The following ATG7 variants were observed in gnomAD, a reference collection of about 807,000 sequenced individuals.
The protein encoded by ATG7 is autophagy related 7, also known as ubiquitin-like modifier-activating enzyme ATG7.
Under a neutral mutation model 82.4 loss-of-function variants are expected in ATG7, and 70 were observed. The observed-to-expected ratio is 0.85, with a 90% CI of 0.70 to 1.04. The LOEUF is 1.04. ATG7 is among the 50% of genes least tolerant of loss of function. The pLI is 0.00. For missense variants in ATG7, 792 were observed against 864.3 expected (o/e 0.92, Z 1.05); for synonymous variants, 287 against 313.0 (o/e 0.92, Z 0.88).
At chr3:11,488,645 C>T (rs185427128) in intron 20 of ATG7, among the ~76,000 whole-genome samples, 1,740 of 152,192 alleles carry the variant, frequency 0.011, 31 homozygotes, top group African/African-American at 0.039. Flanking sequence ...CCTCCGGCGC[C>T]GTGACCTCCT....
At chr3:11,289,775 G>A (rs558703442) in intron 3 of ATG7, among the ~76,000 whole-genome samples, 8 of 152,138 alleles carry the variant, frequency 5.3e-5, no homozygotes, top group Middle Eastern at 3.4e-3. Context: ...GCCCAGGCTC[G>A]TCTCAAACTC....
rs544082280 is a variant in ATG7, at chr3:11,373,459, G to A, written c.1876-6513G>A. ...AGTAACAAAGCATCCTGTTTCCCTT[G>A]CTTGCCTGATGGGAACCACCTGGAG... On this transcript the variant is annotated intron_variant, in intron 18 of 20. Transcript: ENST00000693202. Among the ~76,000 whole-genome samples, 3 of 152,300 alleles carry A rather than the reference G, an allele frequency of 2.0e-5. No individual in the cohort carries two copies. In the South Asian group the frequency reaches 6.2e-4, roughly 32 times the overall value.
chr3:11,542,095 C>A (rs1226319762), intron 20 of ATG7, among the ~76,000 whole-genome samples: 1 of 152,218 alleles, frequency 6.6e-6, no homozygotes, highest in Non-Finnish European at 1.5e-5. Context: ...GGACAGCATA[C>A]CCCGTTGCTA....
intron 5 of ATG7, 61 bp downstream of exon 5, chr3:11,299,477 A>T: frequency 6.6e-7 from 1 of 1,504,030 alleles, no homozygotes; most frequent in Non-Finnish European, 9.2e-7. Flanking sequence ...AGGAATAAGC[A>T]TGCTTGCCTC....
chr3:11,447,208 G>C (rs539807562), intron 20 of ATG7, among the ~76,000 whole-genome samples: 1 of 152,230 alleles, frequency 6.6e-6, no homozygotes, highest in African/African-American at 2.4e-5. Flanking sequence ...GCTTACGCCT[G>C]TAATCCCAGC....
At chr3:11,395,669 A>G (rs751429898) in intron 19 of ATG7, among the ~76,000 whole-genome samples, 2 of 152,194 alleles carry the variant, frequency 1.3e-5, no homozygotes, top group Non-Finnish European at 1.5e-5. Context: ...GGCTGGGTGC[A>G]GTGGCTCACG....
At position 11,348,013 on chromosome 3, in the gene ATG7, T is replaced by C; in HGVS notation, c.1262T>C (p.Leu421Pro). The change falls in exon 14 of 21, where the codon CTC becomes CCC. Residue 421 changes from leucine to proline, a missense_variant. By Grantham distance (98) the Leu-to-Pro change is moderately conservative. Transcript: ENST00000693202. The stretch of plus-strand genomic sequence containing the variant: ...AAGGCTCTGGCAGCAGCGGACCGGC[T>C]CCAGAAAATATTCCCCGGTGTGGTA... ...KPKALAAADR[L>P]QKIFPGVNAR... is the part of the protein sequence containing the mutation. 1 of 1,613,906 alleles carries C rather than the reference T, an allele frequency of 6.2e-7. No individual in the cohort carries two copies. Among genetic ancestry groups the C allele is most frequent in the Non-Finnish European group, 8.5e-7 (1 of 1,179,836 alleles).
intron 20 of ATG7, among the ~76,000 whole-genome samples, chr3:11,465,929 T>C (rs1213998752): frequency 2.0e-5 from 3 of 152,342 alleles, no homozygotes; most frequent in Admixed American, 2.0e-4. Context: ...GCTCTATTCA[T>C]AACTTTGCTC....
chr3:11,457,950 T>G (rs2085908246), intron 20 of ATG7, among the ~76,000 whole-genome samples: 1 of 152,098 alleles, frequency 6.6e-6, no homozygotes, highest in Admixed American at 6.5e-5. Context: ...AAGTATATAT[T>G]GGTTGAATGA....
At chr3:11,552,089 T>C (rs1427429556) in intron 20 of ATG7, among the ~76,000 whole-genome samples, 1 of 152,234 alleles carries the variant, frequency 6.6e-6, no homozygotes, top group African/African-American at 2.4e-5. Context: ...TTGCACTGCA[T>C]GTGGTGGGTT....
intron 20 of ATG7, among the ~76,000 whole-genome samples, chr3:11,507,524 G>A (rs2153070615): frequency 6.6e-6 from 1 of 152,164 alleles, no homozygotes; most frequent in East Asian, 1.9e-4. Context: ...AGTATAATGT[G>A]ATATGAAAAT....
chr3:11,426,663 G>T, intron 19 of ATG7, 141 bp from the exon 20 acceptor site: 1 of 681,088 alleles, frequency 1.5e-6, no homozygotes, highest in Non-Finnish European at 2.2e-6. Context: ...CTAGTTTTTT[G>T]GCCACTAGAT....
At chr3:11,305,180 CATT>C (rs1389591641) in intron 5 of ATG7, among the ~76,000 whole-genome samples, 1 of 152,210 alleles carries the variant, frequency 6.6e-6, no homozygotes, top group Non-Finnish European at 1.5e-5. Context: ...CCTTCCCTCT[CATT>C]ATCACTTTTT....
At position 11,423,100 on chromosome 3, in the gene ATG7, TC is replaced by T. The variant is rs1474000588; in HGVS notation, c.1957-3702del. 3.3e-5 allele frequency among the ~76,000 whole-genome samples: 5 copies of T among 152,284 alleles called. 1 individual carries two copies. Among genetic ancestry groups the T allele is most frequent in the African/African-American group, 1.2e-4 (5 of 41,558 alleles). On this transcript the variant is annotated intron_variant, in intron 19 of 20. Coordinates refer to ENST00000693202, the MANE Select transcript of ATG7 (RefSeq NM_001349232.2). ...TTTAAAGTGAGAAATGTGTGACTCT[TC>T]CTTTCACTTGGACACTTTGAGGCCG...
chr3:11,367,609 A>G (rs1295990940), intron 18 of ATG7, among the ~76,000 whole-genome samples: 1 of 152,192 alleles, frequency 6.6e-6, no homozygotes, highest in African/African-American at 2.4e-5. Flanking sequence ...CTGGGTCCAC[A>G]GGCAGAATTT....
intron 20 of ATG7, among the ~76,000 whole-genome samples, chr3:11,500,684 G>A (rs1294125963): frequency 1.3e-5 from 2 of 152,130 alleles, no homozygotes; most frequent in African/African-American, 2.4e-5. Flanking sequence ...TTTTGCTCTT[G>A]TTACCCAGGC....
chr3:11,457,813 G>A (rs1432469053), intron 20 of ATG7, among the ~76,000 whole-genome samples: 1 of 152,172 alleles, frequency 6.6e-6, no homozygotes, highest in Admixed American at 6.5e-5. Context: ...AGACTGTGCA[G>A]TGGTAGCGCT....
intron 3 of ATG7, among the ~76,000 whole-genome samples, chr3:11,288,132 T>C (rs1404740912): frequency 6.6e-6 from 1 of 152,264 alleles, no homozygotes; most frequent in African/African-American, 2.4e-5. Flanking sequence ...CTTGTCTGAC[T>C]GCCTGATACA....
intron 20 of ATG7, among the ~76,000 whole-genome samples, chr3:11,509,747 A>G (rs141656935): frequency 1.3e-5 from 2 of 152,212 alleles, no homozygotes; most frequent in East Asian, 1.9e-4. Flanking sequence ...TCAGGAACCT[A>G]TCTATTTCTG....
Sources: allele counts gnomAD v4.1 joint callset (sites outside exome capture counted in the v4.1 genomes callset), GRCh38; gene constraint gnomAD v4.1.1; transcripts MANE v1.5; gene names NCBI Gene and HGNC (gene_info 2026-07-23, HGNC 2026-07-21).